MGAM2: variants seen among roughly 807,000 people sequenced by gnomAD.
MGAM2 encodes the protein probable maltase-glucoamylase 2.
MGAM2 carries 98 observed loss-of-function variants against 96.1 expected under a neutral mutation model. The ratio of observed to expected loss-of-function variants is 1.02; its 90% CI spans 0.87 to 1.21. The LOEUF is 1.21. Ranked by LOEUF, MGAM2 falls within the 50% of genes most tolerant of loss-of-function variation. The probability of loss-of-function intolerance (pLI) is 0.00; values close to 1 mark genes in which losing one functional copy is unlikely to be tolerated. For synonymous variants in MGAM2, 749 were observed against 414.8 expected, an observed-to-expected ratio of 1.81 and a Z score of -9.79; for missense variants, 2,055 against 1,182.4, an observed-to-expected ratio of 1.74 and a Z score of -10.82.
At chr7:142,197,791 A>G (rs1797097247) in intron 42 of MGAM2, 63 bp downstream of exon 42, 2 of 701,464 alleles carry the variant, frequency 2.9e-6, no homozygotes, top group Admixed American at 2.0e-5. Flanking sequence ...TGGGAAAAGC[A>G]TTTTAAAGAT....
intron 10 of MGAM2, among the ~76,000 whole-genome samples, chr7:142,139,659 C>CAAAA (rs765007343): frequency 5.5e-5 from 3 of 54,572 alleles, no homozygotes; most frequent in African/African-American, 1.3e-4. Context: ...GGCTCTATCT[C>CAAAA]AAAAAAAAAA....
chr7:142,206,731 G>T (rs1191176588), intron 45 of MGAM2, among the ~76,000 whole-genome samples: 1 of 152,096 alleles, frequency 6.6e-6, no homozygotes, highest in Non-Finnish European at 1.5e-5. Context: ...TTATGGAGAA[G>T]GTTTTTAGCC....
intron 1 of MGAM2, among the ~76,000 whole-genome samples, chr7:142,115,268 C>T (rs905590442): frequency 3.3e-5 from 5 of 152,138 alleles, no homozygotes; most frequent in African/African-American, 1.2e-4. Context: ...ACTGTCAAGA[C>T]CATCAGTCGG....
At chr7:142,127,427 T>C (rs1339270297) in intron 3 of MGAM2, among the ~76,000 whole-genome samples, 1 of 152,176 alleles carries the variant, frequency 6.6e-6, no homozygotes, top group Non-Finnish European at 1.5e-5. Context: ...CACTTCTCTT[T>C]GGTTGTTTTC....
At position 142,154,195 on chromosome 7, in the gene MGAM2, C is replaced by A. The variant is rs1372048282; in HGVS notation, c.1806+6C>A. ...ACCTGTTTGGCATCCCCATGGTGAG[C>A]CTTATTTCCAACCAGGGAACTTTAA... On this transcript the variant is annotated splice_donor_region_variant and intron_variant, in intron 16 of 47. Transcript: ENST00000477922. 2 of 592,426 alleles carry A rather than the reference C, an allele frequency of 3.4e-6. No individual in the cohort carries two copies. Among genetic ancestry groups the A allele is most frequent in the East Asian group, 5.5e-5 (2 of 36,042 alleles). The allele number at this position is 592,426 out of a possible 1,614,324, so 36.7% of individuals were successfully genotyped here. A position where few individuals can be genotyped will look rare whatever the true frequency, so the allele number is the denominator to read the frequency against.
chr7:142,203,114 A>AT (rs998177591), intron 45 of MGAM2, among the ~76,000 whole-genome samples: 2 of 152,032 alleles, frequency 1.3e-5, no homozygotes, highest in Non-Finnish European at 2.9e-5. Context: ...TCCTTTGGCT[A>AT]TTTTTTAATG....
At position 142,138,561 on chromosome 7, in the gene MGAM2, TCCC is replaced by T; in HGVS notation, c.981_983del (p.Pro329del). The T allele has an allele frequency of 1.4e-6, 1 of 703,148 alleles. No homozygotes were observed. Among genetic ancestry groups the T allele is most frequent in the Non-Finnish European group, 2.6e-6 (1 of 384,992 alleles). The allele number at this position is 703,148 out of a possible 1,614,324, so 43.6% of individuals were successfully genotyped here. A position where few individuals can be genotyped will look rare whatever the true frequency, so the allele number is the denominator to read the frequency against. On this transcript the variant is annotated inframe_deletion, in exon 10 of 48. Transcript: ENST00000477922. ...TTTCAGCTTGTTGGACGGCCATTCTTCCCTCCCTATTGGAGTCTTGGGTTCCAG... is the reference window on the plus strand; with the variant it reads ...TTTCAGCTTGTTGGACGGCCATTCTTTCCCTATTGGAGTCTTGGGTTCCAG...
intron 32 of MGAM2, 66 bp downstream of exon 32, chr7:142,175,846 T>C (rs1339303823): frequency 1.3e-5 from 9 of 675,650 alleles, no homozygotes; most frequent in Non-Finnish European, 1.9e-5. Context: ...AATAGCACCA[T>C]TGTGGGAAAC....
intron 2 of MGAM2, among the ~76,000 whole-genome samples, chr7:142,119,975 C>T (rs1164802045): frequency 6.6e-6 from 1 of 152,196 alleles, no homozygotes; most frequent in Non-Finnish European, 1.5e-5. Context: ...TGGAATTCGA[C>T]AGCGGTCACA....
At position 142,131,665 on chromosome 7, in the gene MGAM2, A is replaced by G; in HGVS notation, c.420+38A>G. ...GTGACTGCTAAATACATTTCTGAAG[A>G]AAGCAGTGTGCTCACATTGGGCTTG... On this transcript the variant is annotated intron_variant, in intron 5 of 47. Transcript: ENST00000477922. The G allele has an allele frequency of 4.3e-6, 3 of 700,280 alleles. No homozygotes were observed. In the South Asian group the frequency reaches 4.5e-5, roughly 10 times the overall value. 43.4% of individuals were successfully genotyped at this position (700,280 alleles called of 1,614,324 possible).
chr7:142,130,884 A>G, intron 3 of MGAM2, 64 bp from the exon 4 acceptor site: 1 of 672,982 alleles, frequency 1.5e-6, no homozygotes, highest in Non-Finnish European at 2.7e-6. Context: ...GTTATAAATA[A>G]ATAGACAGAT....
At chr7:142,208,472 T>C in intron 45 of MGAM2, 101 bp from the exon 46 acceptor site, 1 of 676,746 alleles carries the variant, frequency 1.5e-6, no homozygotes, top group Non-Finnish European at 2.7e-6. Context: ...CATCAGTAAC[T>C]GTGACCCCAT....
intron 26 of MGAM2, 150 bp downstream of exon 26, chr7:142,167,636 A>G (rs1395191491): frequency 9.7e-5 from 60 of 619,734 alleles, no homozygotes; most frequent in Non-Finnish European, 2.9e-6. Context: ...GCAGGGGCAC[A>G]ATCTCAGGTC....
At chr7:142,149,564 G>A (rs1260103221) in intron 15 of MGAM2, among the ~76,000 whole-genome samples, 5 of 150,072 alleles carry the variant, frequency 3.3e-5, no homozygotes, top group South Asian at 2.1e-4. Context: ...TTTTTGAGAC[G>A]GAGTCTCGCT....
Position 142,222,097 on chromosome 7 carries a change from C to T in MGAM2, c.*38C>T, listed in dbSNP as rs1217752657. 1 of 397,846 alleles carries T rather than the reference C, an allele frequency of 2.5e-6. No homozygotes were observed. The highest frequency in any genetic ancestry group is 4.4e-6 in the Non-Finnish European group (1 of 225,540). 24.6% of individuals were successfully genotyped at this position (397,846 alleles called of 1,614,324 possible). On this transcript the variant is annotated 3_prime_UTR_variant, in exon 48 of 48. Coordinates refer to ENST00000477922, the MANE Select transcript of MGAM2 (RefSeq NM_001293626.2). ...GCAGGATAGTTACCTCAGATAACGCCTACAAACAACTATTACAGATATAGA... is the reference window on the plus strand; with the variant it reads ...GCAGGATAGTTACCTCAGATAACGCTTACAAACAACTATTACAGATATAGA...
At chr7:142,173,146 A>G (rs1280660575) in intron 30 of MGAM2, 83 bp from the exon 31 acceptor site, 1 of 679,028 alleles carries the variant, frequency 1.5e-6, no homozygotes, top group Non-Finnish European at 2.7e-6. Context: ...CTTAGCAGAA[A>G]CACTCAAGTT....
chr7:142,123,063 C>T (rs1209345696), intron 3 of MGAM2, among the ~76,000 whole-genome samples: 5 of 152,228 alleles, frequency 3.3e-5, no homozygotes, highest in Non-Finnish European at 2.9e-5. Context: ...ACCTTGTAAT[C>T]CACCCCCTTC....
intron 9 of MGAM2, 103 bp from the exon 10 acceptor site, chr7:142,138,439 C>A: frequency 1.7e-6 from 1 of 599,426 alleles, no homozygotes. Flanking sequence ...ATTATTCTAG[C>A]AGATTACTCT....
chr7:142,213,443 A>G (rs141445364), intron 46 of MGAM2, among the ~76,000 whole-genome samples: 33,193 of 152,154 alleles, frequency 0.22, 4,415 homozygotes, highest in South Asian at 0.36. Flanking sequence ...AATAAAGAAA[A>G]AAAGAGAGAA....
Sources: gnomAD v4.1 joint callset for allele counts (sites outside exome capture counted in the v4.1 genomes callset) on GRCh38, gnomAD v4.1.1 for gene constraint, MANE v1.5 for transcripts, NCBI Gene and HGNC (gene_info 2026-07-23, HGNC 2026-07-21) for gene names.